UBE2D3: variants seen among roughly 807,000 people sequenced by gnomAD.
UBE2D3 encodes the protein ubiquitin conjugating enzyme E2 D3.
UBE2D3 carries 2 observed loss-of-function variants against 22.8 expected under a neutral mutation model. The observed-to-expected ratio is 0.09, with a 90% CI of 0.04 to 0.28. The LOEUF is 0.28. Ranked by LOEUF, UBE2D3 falls within the 10% of genes least tolerant of loss-of-function variation. UBE2D3 has a pLI of 1.00. For missense variants in UBE2D3, 27 were observed against 182.5 expected, an observed-to-expected ratio of 0.15 and a Z score of 4.91; for synonymous variants, 56 against 60.4, an observed-to-expected ratio of 0.93 and a Z score of 0.34.
chr4:102,828,116 CTG>C (rs1368800571), upstream of UBE2D3: 5 of 985,462 alleles, frequency 5.1e-6, no homozygotes, highest in East Asian at 5.7e-4. Context: ...GGGCGGGCCA[CTG>C]CCAGGAAAGC....
At chr4:102,823,437 T>TGCTAGCCGCTTGCTTATAATCATATATAA (rs1319631035) in intron 2 of UBE2D3, among the ~76,000 whole-genome samples, 2 of 152,246 alleles carry the variant, frequency 1.3e-5, no homozygotes, top group Non-Finnish European at 2.9e-5. Context: ...ATGGTTTCCC[T>TGCTAGCCGCTTGCTTATAATCATATATAA]GCTAGCCGCT....
intron 1 of UBE2D3, among the ~76,000 whole-genome samples, chr4:102,864,597 C>T (rs1472833191): frequency 2.6e-5 from 4 of 152,060 alleles, no homozygotes; most frequent in Non-Finnish European, 5.9e-5. Context: ...TAGTCATAAC[C>T]ACTGGTATCA....
intron 1 of UBE2D3, among the ~76,000 whole-genome samples, chr4:102,849,364 CAAAAAAA>C (rs55874314): frequency 6.3e-5 from 4 of 63,254 alleles, no homozygotes; most frequent in South Asian, 6.2e-4. Flanking sequence ...ACCCCTGTCT[CAAAAAAA>C]AAAAAAAAAA....
In UBE2D3 at chr4:102,798,940, C is replaced by T. The variant is rs147920467; in HGVS notation, c.398+467G>A. Reference sequence around the variant, plus strand: ...CAGATCCTCTTACCCTACAACATAGCGTATTTCTCTGTCCACTCTCTTGCT... The same window carrying T: ...CAGATCCTCTTACCCTACAACATAGTGTATTTCTCTGTCCACTCTCTTGCT... On this transcript the variant is annotated intron_variant, in intron 7 of 7. Transcript: ENST00000453744. 626 of 1,611,762 alleles carry T rather than the reference C, an allele frequency of 3.9e-4. 2 individuals carry two copies. In the Admixed American group the frequency reaches 8.3e-3, roughly 21 times the overall value.
chr4:102,831,815 G>A (rs556275884), upstream of UBE2D3, among the ~76,000 whole-genome samples: 11 of 152,146 alleles, frequency 7.2e-5, no homozygotes, highest in African/African-American at 2.7e-4. Context: ...ACTTTCATTC[G>A]GTTTGTCAAT....
At chr4:102,820,049 C>T (rs922007426) in intron 2 of UBE2D3, among the ~76,000 whole-genome samples, 35 of 152,120 alleles carry the variant, frequency 2.3e-4, no homozygotes, top group African/African-American at 8.4e-4. Context: ...AGGTGGGAAA[C>T]AAAGGGAGTA....
At chr4:102,868,028 G>C (rs1213457134) in intron 1 of UBE2D3, among the ~76,000 whole-genome samples, 1 of 150,698 alleles carries the variant, frequency 6.6e-6, no homozygotes, top group Admixed American at 6.6e-5. Flanking sequence ...GACTTCAGCA[G>C]AAGCCTTGTA....
upstream of UBE2D3, chr4:102,827,835 C>T: frequency 1.0e-6 from 1 of 985,938 alleles, no homozygotes; most frequent in Non-Finnish European, 1.2e-6. Context: ...CCCTTAGGCT[C>T]AGAGAAGCAT....
upstream of UBE2D3, among the ~76,000 whole-genome samples, chr4:102,828,942 G>T (rs1730946869): frequency 6.6e-6 from 1 of 151,890 alleles, no homozygotes; most frequent in Non-Finnish European, 1.5e-5. Flanking sequence ...TACCGAAGTG[G>T]AGATCTTCAA....
chr4:102,825,607 AG>A, intron 2 of UBE2D3: 1 of 1,240,744 alleles, frequency 8.1e-7, no homozygotes, highest in Non-Finnish European at 1.0e-6. Flanking sequence ...GCTCACTCCC[AG>A]AGCTCCGAAA....
intron 2 of UBE2D3, among the ~76,000 whole-genome samples, chr4:102,815,752 T>C (rs947724763): frequency 1.3e-5 from 2 of 152,280 alleles, no homozygotes; most frequent in South Asian, 2.1e-4. Flanking sequence ...CACCAAGACA[T>C]CTCTTTAGTA....
chr4:102,795,568 G>T lies in UBE2D3; in HGVS notation c.*1847C>A, dbSNP rs1298109460. The T allele has an allele frequency of 1.3e-5, 2 of 152,034 alleles. No individual in the cohort carries two copies. The highest frequency in any genetic ancestry group is 2.4e-5 in the African/African-American group (1 of 41,428). The allele number at this position is 152,034 out of a possible 1,614,324, so 9.4% of individuals were successfully genotyped here. A position where few individuals can be genotyped will look rare whatever the true frequency, so the allele number is the denominator to read the frequency against. Reference sequence around the variant, plus strand: ...ACTCATTGGAAAAACTGCGTAGCTGGTTTTTTCCCCAATGAAATGATTACA... The same window carrying T: ...ACTCATTGGAAAAACTGCGTAGCTGTTTTTTTCCCCAATGAAATGATTACA... On this transcript the variant is annotated 3_prime_UTR_variant, in exon 8 of 8. Transcript: ENST00000453744.
At chr4:102,818,982 G>A (rs758197174) in intron 2 of UBE2D3, among the ~76,000 whole-genome samples, 21 of 152,118 alleles carry the variant, frequency 1.4e-4, no homozygotes, top group Admixed American at 2.6e-4. Flanking sequence ...AGAACAGTAG[G>A]CCAAGGTATT....
chr4:102,794,529 TA>T lies in UBE2D3; in HGVS notation c.*2885del, dbSNP rs773232456. 2.0e-5 allele frequency: 3 copies of T among 152,174 alleles called. No homozygotes were observed. The South Asian group carries it at 6.2e-4, about 32-fold the overall frequency. 9.4% of individuals were successfully genotyped at this position (152,174 alleles called of 1,614,324 possible). On this transcript the variant is annotated 3_prime_UTR_variant, in exon 8 of 8. Transcript: ENST00000453744. ...TAAAAGACAAATTCACTTAAAAGTG[TA>T]ATCAACAATCATTAACAGTTTTGTT...
chr4:102,847,789 G>A, intron 1 of UBE2D3, among the ~76,000 whole-genome samples: 1 of 151,992 alleles, frequency 6.6e-6, no homozygotes. Context: ...GATAACAGGT[G>A]TGTGCCACCA....
At chr4:102,845,102 G>C (rs1317534254) in intron 1 of UBE2D3, among the ~76,000 whole-genome samples, 1 of 150,632 alleles carries the variant, frequency 6.6e-6, no homozygotes, top group African/African-American at 2.4e-5. Context: ...ACAGAAACTA[G>C]CTGGGAGTGA....
At chr4:102,818,669 G>A (rs185754784) in intron 2 of UBE2D3, among the ~76,000 whole-genome samples, 1 of 152,226 alleles carries the variant, frequency 6.6e-6, no homozygotes, top group African/African-American at 2.4e-5. Context: ...TCTCTAAAAG[G>A]CAACCAACAG....
chr4:102,866,222 T>C (rs762435057), intron 1 of UBE2D3, among the ~76,000 whole-genome samples: 1 of 152,238 alleles, frequency 6.6e-6, no homozygotes, highest in Non-Finnish European at 1.5e-5. Flanking sequence ...TAATATATGA[T>C]CCACACCTTT....
intron 2 of UBE2D3, among the ~76,000 whole-genome samples, chr4:102,824,365 A>T (rs1730120914): frequency 6.6e-6 from 1 of 152,246 alleles, no homozygotes; most frequent in South Asian, 2.1e-4. Context: ...ATGTGCCAAG[A>T]GCCTGTTCAA....
Sources: allele counts gnomAD v4.1 joint callset (sites outside exome capture counted in the v4.1 genomes callset), GRCh38; gene constraint gnomAD v4.1.1; transcripts MANE v1.5; gene names NCBI Gene and HGNC (gene_info 2026-07-23, HGNC 2026-07-21).